The following LINGO1 variants were observed in gnomAD, a reference collection of about 807,000 sequenced individuals.
LINGO1 encodes the protein leucine-rich repeat and immunoglobulin-like domain-containing nogo receptor-interacting protein 1.
Under a neutral mutation model 37.3 loss-of-function variants are expected in LINGO1, and 11 were observed. The ratio of observed to expected loss-of-function variants is 0.29; its 90% CI spans 0.19 to 0.49. The LOEUF (loss-of-function observed/expected upper bound fraction) is 0.49, where lower values mean the gene tolerates loss of function less well. Among genes scored for constraint, LINGO1 ranks in the 20% least tolerant of loss-of-function variants. LINGO1 has a pLI of 0.99. For missense variants in LINGO1, 585 were observed against 878.2 expected (o/e 0.67, Z 4.22); for synonymous variants, 387 against 403.0 (o/e 0.96, Z 0.48).
chr15:77,775,652 T>G (rs183455595), intron 1 of LINGO1, among the ~76,000 whole-genome samples: 5 of 152,130 alleles, frequency 3.3e-5, no homozygotes, highest in Non-Finnish European at 7.4e-5. Flanking sequence ...ATCACACTCA[T>G]TGCTCCTTGT....
intron 2 of LINGO1, among the ~76,000 whole-genome samples, chr15:77,679,423 C>T (rs932055706): frequency 6.6e-6 from 1 of 152,138 alleles, no homozygotes; most frequent in Non-Finnish European, 1.5e-5. Context: ...ATGATGATGA[C>T]GATGATGGTG....
At chr15:77,670,851 C>T (rs1214763889) in intron 3 of LINGO1, among the ~76,000 whole-genome samples, 1 of 152,212 alleles carries the variant, frequency 6.6e-6, no homozygotes, top group Non-Finnish European at 1.5e-5. Context: ...CCCCCAGATC[C>T]CTGGGGCCTC....
chr15:77,731,638 C>A (rs78723901), intron 2 of LINGO1, among the ~76,000 whole-genome samples: 7 of 152,300 alleles, frequency 4.6e-5, no homozygotes, highest in Admixed American at 1.3e-4. Context: ...CTCCTCCCTG[C>A]CACCATCCCA....
chr15:77,615,075 C>T lies in LINGO1; in HGVS notation c.832G>A (p.Val278Met), dbSNP rs1209288929. 6.2e-7 allele frequency: 1 copy of T among 1,613,990 alleles called. No homozygotes were observed. The highest frequency in any genetic ancestry group is 1.1e-5 in the South Asian group (1 of 91,074). ...LSITHCNLTA[V>M]PYLAVRHLVY... ...AGGTGGCGGACGGCCAGGTAGGGCA[C>T]AGCGGTCAGATTGCAGTGTGTGATG... The change falls in exon 2 of 2, where the codon GTG (valine) becomes ATG (methionine). Residue 278 changes from valine (V) to methionine (M), a missense_variant. By Grantham distance (21) the Val-to-Met change is conservative. Transcript: ENST00000355300.
Position 77,664,170 on chromosome 15 carries a change from T to TGCGCGCGCGCGC in LINGO1, c.-13+12918_-13+12919insGCGCGCGCGCGC, listed in dbSNP as rs143405934. On this transcript the variant is annotated intron_variant, in intron 3 of 3. Coordinates refer to the LINGO1 transcript ENST00000559893. Reference sequence around the variant, plus strand: ...GTGTGTGTGTGTGTGTGTGTGTGTGTGCGCGCGCGCATGCGTTTGCATTCT... The same window carrying TGCGCGCGCGCGC: ...GTGTGTGTGTGTGTGTGTGTGTGTGTGCGCGCGCGCGCGCGCGCGCGCATGCGTTTGCATTCT... Among the ~76,000 whole-genome samples, 216 of 130,968 alleles carry TGCGCGCGCGCGC rather than the reference T, an allele frequency of 1.6e-3. 4 individuals carry two copies. The highest frequency in any genetic ancestry group is 4.2e-3 in the African/African-American group (115 of 27,256). 85.9% of individuals were successfully genotyped at this position (130,968 alleles called of 152,430 possible).
intron 1 of LINGO1, among the ~76,000 whole-genome samples, chr15:77,763,768 C>A (rs188128419): frequency 6.6e-6 from 1 of 152,152 alleles, no homozygotes; most frequent in African/African-American, 2.4e-5. Context: ...CCTGAGGGTC[C>A]GGAGCTGTTA....
intron 2 of LINGO1, among the ~76,000 whole-genome samples, chr15:77,710,724 C>T (rs1306673137): frequency 6.6e-6 from 1 of 152,238 alleles, no homozygotes; most frequent in East Asian, 1.9e-4. Context: ...AGCCCACCTG[C>T]GAGGGAGGAC....
chr15:77,634,467 G>A (rs2074354574), upstream of LINGO1: 1 of 381,532 alleles, frequency 2.6e-6, no homozygotes. Flanking sequence ...TCACCCTCCA[G>A]CAACTCTGGG....
intron 1 of LINGO1, among the ~76,000 whole-genome samples, chr15:77,766,315 A>AC (rs1380378559): frequency 0.01 from 1,531 of 146,328 alleles, 12 homozygotes; most frequent in Non-Finnish European, 0.017. Flanking sequence ...AAAAAAAAAA[A>AC]AACACACAAA....
upstream of LINGO1, among the ~76,000 whole-genome samples, chr15:77,637,207 T>G (rs1048506109): frequency 5.3e-5 from 8 of 152,198 alleles, no homozygotes; most frequent in Non-Finnish European, 1.2e-4. The surrounding 1 kb of genome is among the most constrained non-coding windows in gnomAD (Gnocchi z 4.6). Context: ...AGGGGTTCTC[T>G]CCCCACAGTG....
At chr15:77,777,219 A>G (rs553492317) in intron 1 of LINGO1, among the ~76,000 whole-genome samples, 1 of 152,232 alleles carries the variant, frequency 6.6e-6, no homozygotes, top group East Asian at 1.9e-4. Context: ...TCAACCAGCC[A>G]GTGGTGTGTG....
chr15:77,632,189 T>C lies in LINGO1; in HGVS notation c.6+121A>G. ...ATCAGGCCTATGACCCCAAAGGAGG[T>C]CTGGGTGGCACCGAGGTGCCCTGCA... On this transcript the variant is annotated intron_variant, in intron 1 of 1. Transcript: ENST00000355300. The surrounding 1 kb of genome is among the most constrained non-coding windows in gnomAD (Gnocchi z 6.0). 1 of 1,033,960 alleles carries C rather than the reference T, an allele frequency of 9.7e-7. No homozygotes were observed. The highest frequency in any genetic ancestry group is 1.2e-6 in the Non-Finnish European group (1 of 801,760). The allele number at this position is 1,033,960 out of a possible 1,614,324, so 64.0% of individuals were successfully genotyped here.
chr15:77,697,712 G>A (rs1047640981), upstream of LINGO1, among the ~76,000 whole-genome samples: 3 of 152,204 alleles, frequency 2.0e-5, no homozygotes, highest in South Asian at 2.1e-4. Context: ...GTGTGAAAGC[G>A]GGAGCCTGAG....
intron 2 of LINGO1, among the ~76,000 whole-genome samples, chr15:77,707,767 G>A (rs1249644958): frequency 1.3e-5 from 2 of 152,152 alleles, no homozygotes; most frequent in Non-Finnish European, 2.9e-5. Flanking sequence ...CAGCCCTTGA[G>A]AACCCCTGGG....
Position 77,632,176 on chromosome 15 carries a change from A to G in LINGO1, c.6+134T>C. The G allele has an allele frequency of 1.2e-6, 1 of 848,510 alleles. No individual in the cohort carries two copies. The allele number at this position is 848,510 out of a possible 1,614,324, so 52.6% of individuals were successfully genotyped here. A position where few individuals can be genotyped will look rare whatever the true frequency, so the allele number is the denominator to read the frequency against. ...GGCTTGAGGGGAAATCAGGCCTATG[A>G]CCCCAAAGGAGGTCTGGGTGGCACC... On this transcript the variant is annotated intron_variant, in intron 1 of 1. Coordinates refer to ENST00000355300, the MANE Select transcript of LINGO1 (RefSeq NM_032808.7). This position sits in a 1 kb window ranked among gnomAD's most constrained non-coding sequence, Gnocchi z 6.0.
intron 1 of LINGO1, among the ~76,000 whole-genome samples, chr15:77,803,263 A>C (rs570124360): frequency 2.0e-4 from 31 of 152,238 alleles, no homozygotes; most frequent in African/African-American, 7.2e-4. Context: ...GCCTAGGCCT[A>C]GCACAGAGGA....
intron 1 of LINGO1, among the ~76,000 whole-genome samples, chr15:77,804,817 C>T (rs1186538655): frequency 6.6e-6 from 1 of 152,196 alleles, no homozygotes; most frequent in African/African-American, 2.4e-5. Context: ...GCCCCAGGTC[C>T]CTCCTGGGTA....
At chr15:77,727,237 A>G (rs1480650974) in intron 2 of LINGO1, among the ~76,000 whole-genome samples, 2 of 152,248 alleles carry the variant, frequency 1.3e-5, no homozygotes, top group Admixed American at 1.3e-4. Context: ...GTGTGTGCAT[A>G]TATATACATA....
chr15:77,800,011 G>A (rs1392694526), intron 1 of LINGO1, among the ~76,000 whole-genome samples: 4 of 152,156 alleles, frequency 2.6e-5, no homozygotes, highest in Admixed American at 6.5e-5. Context: ...AAGGCAGGAC[G>A]GGGAAAGAGC....
Sources: gnomAD v4.1 joint callset for allele counts (sites outside exome capture counted in the v4.1 genomes callset) on GRCh38, gnomAD v4.1.1 for gene constraint, Gnocchi (gnomAD v3.1) non-coding constraint, MANE v1.5 for transcripts, NCBI Gene and HGNC (gene_info 2026-07-23, HGNC 2026-07-21) for gene names.